Variants in PUM1 observed in about 807,000 individuals in gnomAD.
PUM1 encodes the protein pumilio homolog 1.
Under a neutral mutation model 131.8 loss-of-function variants are expected in PUM1, and 13 were observed. That is an observed-to-expected ratio of 0.10 (90% confidence interval 0.06 to 0.16). The LOEUF is 0.16. PUM1 is among the 10% of genes least tolerant of loss of function. The probability of loss-of-function intolerance (pLI) is 1.00; values close to 1 mark genes in which losing one functional copy is unlikely to be tolerated. For missense variants in PUM1, 961 were observed against 1,512.4 expected (o/e 0.64, Z 6.05); for synonymous variants, 509 against 556.5 (o/e 0.91, Z 1.20).
Position 31,000,908 on chromosome 1 carries a change from C to T in PUM1, c.720+4945G>A, listed in dbSNP as rs530096950. Among the ~76,000 whole-genome samples, 4 of 151,864 alleles carry T rather than the reference C, an allele frequency of 2.6e-5. No homozygotes were observed. In the South Asian group the frequency reaches 6.3e-4, roughly 24 times the overall value. ...AAATATAAATTAGCTGGGTGTGGGC[C>T]GGGCACAGTGGCTCACGCCTGTAAT... On this transcript the variant is annotated intron_variant, in intron 5 of 21. Coordinates refer to ENST00000426105, the MANE Select transcript of PUM1 (RefSeq NM_001020658.2).
chr1:30,993,148 T>C (rs1023994124), intron 6 of PUM1, among the ~76,000 whole-genome samples: 3 of 152,210 alleles, frequency 2.0e-5, no homozygotes, highest in Non-Finnish European at 4.4e-5. Context: ...AAAAAGTTTT[T>C]ACATGTCGTT....
chr1:30,976,164 G>A (rs1409092568), intron 9 of PUM1, among the ~76,000 whole-genome samples: 1 of 151,430 alleles, frequency 6.6e-6, no homozygotes, highest in African/African-American at 2.4e-5. Context: ...ACAAAGTACA[G>A]CTGCAGTCGG....
intron 2 of PUM1, chr1:31,036,765 C>G (rs551836640): frequency 6.5e-6 from 1 of 153,198 alleles, no homozygotes; most frequent in Non-Finnish European, 1.5e-5. Context: ...TCAGAGTACA[C>G]GAAGGGTAGG....
intron 2 of PUM1, among the ~76,000 whole-genome samples, chr1:31,041,626 G>T (rs1643818952): frequency 6.6e-6 from 1 of 151,990 alleles, no homozygotes; most frequent in Non-Finnish European, 1.5e-5. Context: ...ACAAGAGCTG[G>T]CTGTTTAAAA....
At chr1:30,962,326 C>T (rs990808199) in intron 14 of PUM1, among the ~76,000 whole-genome samples, 4 of 152,154 alleles carry the variant, frequency 2.6e-5, no homozygotes, top group Non-Finnish European at 5.9e-5. Context: ...ATTGCTGATG[C>T]TTTAGAAAGA....
At chr1:31,059,634 CA>C in intron 1 of PUM1, 57 bp from the exon 2 acceptor site, 1 of 1,510,050 alleles carries the variant, frequency 6.6e-7, no homozygotes, top group East Asian at 2.3e-5. Flanking sequence ...ACATAAAACA[CA>C]CTAAGATAAA....
chr1:30,940,306 T>C (rs1468320518), intron 20 of PUM1, among the ~76,000 whole-genome samples: 3 of 152,062 alleles, frequency 2.0e-5, no homozygotes, highest in African/African-American at 7.2e-5. Context: ...TGAAACCCTG[T>C]CTCTACAAAA....
chr1:30,933,177 C>A lies in PUM1; in HGVS notation c.*34G>T. ...GGATTTGCCAGTGGGCCAGTGAGGT[C>A]AGCGGGAATGAGGGAACAGCGGGTG... is the stretch of plus-strand genomic sequence containing the variant. On this transcript the variant is annotated 3_prime_UTR_variant, in exon 22 of 22. Transcript: ENST00000426105. 1 of 1,592,298 alleles carries A rather than the reference C, an allele frequency of 6.3e-7. No homozygotes were observed. Among genetic ancestry groups the A allele is most frequent in the South Asian group, 1.1e-5 (1 of 88,006 alleles).
intron 10 of PUM1, among the ~76,000 whole-genome samples, 184 bp downstream of exon 10, chr1:30,974,467 T>G (rs563505169): frequency 6.6e-6 from 1 of 152,334 alleles, no homozygotes; most frequent in East Asian, 1.9e-4. Context: ...TACAATAGTG[T>G]CTAATATATA....
At chr1:31,033,985 T>C (rs74761743) in intron 2 of PUM1, among the ~76,000 whole-genome samples, 29,977 of 152,100 alleles carry the variant, frequency 0.2, 3,359 homozygotes, top group East Asian at 0.53. Context: ...GAATTCTGAA[T>C]TGTAAGAAGT....
At chr1:31,015,082 C>A (rs1025295484) in intron 3 of PUM1, among the ~76,000 whole-genome samples, 7 of 152,036 alleles carry the variant, frequency 4.6e-5, no homozygotes, top group Non-Finnish European at 7.4e-5. Context: ...AAGTAAAATA[C>A]AAAATTGTAC....
intron 20 of PUM1, among the ~76,000 whole-genome samples, chr1:30,939,144 G>A (rs1639342930): frequency 6.6e-6 from 1 of 151,892 alleles, no homozygotes; most frequent in Non-Finnish European, 1.5e-5. Flanking sequence ...TTGAGTATAG[G>A]TCACATTTTC....
At chr1:30,953,245 A>C (rs1346184261) in intron 15 of PUM1, among the ~76,000 whole-genome samples, 1 of 152,234 alleles carries the variant, frequency 6.6e-6, no homozygotes, top group African/African-American at 2.4e-5. Context: ...AATGGGAAAG[A>C]AGGATGGGTG....
chr1:31,044,141 C>A (rs1316022093), intron 2 of PUM1, among the ~76,000 whole-genome samples: 1 of 152,182 alleles, frequency 6.6e-6, no homozygotes, highest in Non-Finnish European at 1.5e-5. Flanking sequence ...GTGGCTCACA[C>A]CTGTAATCCC....
rs763569667 is a variant in PUM1, at chr1:31,007,022, T to C, written c.513A>G (p.Gln171=). The change falls in exon 4 of 22, where the codon CAA becomes CAG. Residue 171 remains glutamine (Q), a synonymous_variant. Coordinates refer to ENST00000426105, the MANE Select transcript of PUM1 (RefSeq NM_001020658.2). ...DGPKGIFLGD[Q]WRDSAWGTSD... ...ATGTTCCCCAGGCACTGTCTCGCCA[T>C]TGATCACCCAGGAATATTCCTTTTG... is the stretch of plus-strand genomic sequence containing the variant. 66 of 1,613,990 alleles carry C rather than the reference T, an allele frequency of 4.1e-5. No individual in the cohort carries two copies. Among genetic ancestry groups the C allele is most frequent in the South Asian group, 3.3e-5 (3 of 91,064 alleles).
chr1:31,019,020 G>A (rs1266744794), intron 3 of PUM1, among the ~76,000 whole-genome samples: 1 of 152,234 alleles, frequency 6.6e-6, no homozygotes, highest in African/African-American at 2.4e-5. Flanking sequence ...AGCAAAAAGA[G>A]CAATCAAGTT....
chr1:31,002,096 T>C (rs1026547432), intron 5 of PUM1, among the ~76,000 whole-genome samples: 1 of 152,176 alleles, frequency 6.6e-6, no homozygotes, highest in Non-Finnish European at 1.5e-5. Flanking sequence ...CTTTGTTGAG[T>C]TTTGATTATT....
At chr1:30,980,716 CATT>C (rs1641322999) in intron 8 of PUM1, among the ~76,000 whole-genome samples, 1 of 151,568 alleles carries the variant, frequency 6.6e-6, no homozygotes, top group African/African-American at 2.4e-5. Flanking sequence ...CATTTTGACA[CATT>C]AAAAAAAAAA....
intron 9 of PUM1, among the ~76,000 whole-genome samples, chr1:30,977,194 G>GTTA (rs1157904800): frequency 5.3e-5 from 8 of 152,200 alleles, no homozygotes; most frequent in African/African-American, 1.9e-4. Flanking sequence ...TGAACTGTGT[G>GTTA]TTATGTGCCT....
Sources: gnomAD v4.1 joint callset for allele counts (sites outside exome capture counted in the v4.1 genomes callset) on GRCh38, gnomAD v4.1.1 for gene constraint, MANE v1.5 for transcripts, NCBI Gene and HGNC (gene_info 2026-07-23, HGNC 2026-07-21) for gene names.